The following CNTNAP2 variants were observed in gnomAD, a reference collection of about 807,000 sequenced individuals.
The protein encoded by CNTNAP2 is contactin-associated protein-like 2.
A neutral mutation model predicts 155.2 loss-of-function variants in CNTNAP2; 98 were observed. That is an observed-to-expected ratio of 0.63 (90% confidence interval 0.54 to 0.75). CNTNAP2 has a LOEUF of 0.75. Ranked by LOEUF, CNTNAP2 falls within the 30% of genes least tolerant of loss-of-function variation. CNTNAP2 has a pLI of 0.00. For synonymous variants in CNTNAP2, 651 were observed against 631.2 expected (o/e 1.03, Z -0.47); for missense variants, 1,727 against 1,688.1 (o/e 1.02, Z -0.40).
chr7:146,838,804 T>C (rs1363273325), intron 2 of CNTNAP2, among the ~76,000 whole-genome samples: 1 of 152,194 alleles, frequency 6.6e-6, no homozygotes, highest in East Asian at 1.9e-4. Context: ...TAAAAAATAG[T>C]ACACACGTTT....
chr7:146,877,013 T>C (rs1008322082), intron 3 of CNTNAP2, among the ~76,000 whole-genome samples: 13 of 152,202 alleles, frequency 8.5e-5, no homozygotes, highest in African/African-American at 2.2e-4. Flanking sequence ...GCGTTTTTCA[T>C]TGATGACATT....
chr7:148,341,484 T>A (rs2116581557), intron 21 of CNTNAP2, among the ~76,000 whole-genome samples: 1 of 152,256 alleles, frequency 6.6e-6, no homozygotes, highest in South Asian at 2.1e-4. Flanking sequence ...TATTAAGTAT[T>A]GATATTGTCC....
At chr7:147,131,044 A>ATATATATATGTGTATATATATGTG (rs71525989) in intron 7 of CNTNAP2, among the ~76,000 whole-genome samples, 8,951 of 143,724 alleles carry the variant, frequency 0.062, 504 homozygotes, top group East Asian at 0.23. Context: ...ATATATACAC[A>ATATATATATGTGTATATATATGTG]TATATATATG....
intron 1 of CNTNAP2, among the ~76,000 whole-genome samples, chr7:146,477,521 G>A (rs1457783775): frequency 6.6e-6 from 1 of 151,920 alleles, no homozygotes; most frequent in East Asian, 1.9e-4. Flanking sequence ...AATACATGGA[G>A]TTGTACTGGA....
chr7:146,188,786 A>G (rs1477839232), intron 1 of CNTNAP2, among the ~76,000 whole-genome samples: 1 of 152,204 alleles, frequency 6.6e-6, no homozygotes, highest in African/African-American at 2.4e-5. Context: ...GAGCACACCA[A>G]ACCACTGAGT....
intron 13 of CNTNAP2, among the ~76,000 whole-genome samples, chr7:147,774,876 A>G (rs867325901): frequency 8.5e-5 from 13 of 152,260 alleles, no homozygotes; most frequent in Middle Eastern, 3.4e-3. Context: ...AAAGGATAAG[A>G]AAACTGAAGC....
At chr7:146,480,783 C>T (rs956698566) in intron 1 of CNTNAP2, among the ~76,000 whole-genome samples, 5 of 149,594 alleles carry the variant, frequency 3.3e-5, no homozygotes, top group African/African-American at 1.2e-4. Flanking sequence ...CCCGGGTTCA[C>T]GCCATTCTCC....
intron 10 of CNTNAP2, among the ~76,000 whole-genome samples, chr7:147,455,806 A>G (rs1014311693): frequency 3.9e-5 from 6 of 152,146 alleles, no homozygotes; most frequent in Admixed American, 3.3e-4. Flanking sequence ...TGAATACCAC[A>G]TTATAAATGA....
intron 15 of CNTNAP2, among the ~76,000 whole-genome samples, chr7:148,078,293 G>T (rs1018079947): frequency 6.6e-6 from 1 of 151,986 alleles, no homozygotes; most frequent in African/African-American, 2.4e-5. Context: ...CAAACTTCTG[G>T]CATCAAGTGA....
intron 13 of CNTNAP2, among the ~76,000 whole-genome samples, chr7:147,828,890 C>T (rs888724826): frequency 2.0e-5 from 3 of 152,158 alleles, no homozygotes; most frequent in Non-Finnish European, 4.4e-5. Context: ...TTGCAATCCT[C>T]CTACATAATA....
chr7:148,226,297 G>A (rs922298351), intron 19 of CNTNAP2, among the ~76,000 whole-genome samples: 2 of 151,980 alleles, frequency 1.3e-5, no homozygotes, highest in South Asian at 2.1e-4. Flanking sequence ...CTTATTCAAA[G>A]GTCCTACATA....
intron 12 of CNTNAP2, among the ~76,000 whole-genome samples, chr7:147,615,841 A>G (rs1385083607): frequency 6.6e-6 from 1 of 152,028 alleles, no homozygotes; most frequent in Non-Finnish European, 1.5e-5. Flanking sequence ...TCCTCATTTT[A>G]CTTAACATTG....
intron 2 of CNTNAP2, among the ~76,000 whole-genome samples, chr7:146,805,587 G>C (rs1802953276): frequency 6.6e-6 from 1 of 152,184 alleles, no homozygotes; most frequent in South Asian, 2.1e-4. Flanking sequence ...GGAACAGCAA[G>C]AGGGAGGGAT....
intron 14 of CNTNAP2, among the ~76,000 whole-genome samples, chr7:147,913,832 G>A (rs139832593): frequency 6.6e-6 from 1 of 152,236 alleles, no homozygotes; most frequent in East Asian, 1.9e-4. Context: ...CAAGCAAGCT[G>A]AGCATCATTC....
intron 1 of CNTNAP2, among the ~76,000 whole-genome samples, chr7:146,308,170 T>G (rs568391038): frequency 6.6e-6 from 1 of 152,076 alleles, no homozygotes; most frequent in Non-Finnish European, 1.5e-5. Context: ...GGGCAAAGGA[T>G]ATGAACAGAC....
chr7:147,499,255 A>G (rs7782712), intron 11 of CNTNAP2, among the ~76,000 whole-genome samples: 43,371 of 151,828 alleles, frequency 0.29, 6,271 homozygotes, highest in East Asian at 0.43. Context: ...CCAGCCAGGC[A>G]TGGTGGCTCT....
At chr7:146,844,976 T>C (rs1803814076) in intron 3 of CNTNAP2, among the ~76,000 whole-genome samples, 1 of 152,140 alleles carries the variant, frequency 6.6e-6, no homozygotes, top group Admixed American at 6.5e-5. Flanking sequence ...ATCAAGAATA[T>C]AGGGATAAAC....
At chr7:148,359,995 T>C (rs1798585482) in intron 21 of CNTNAP2, among the ~76,000 whole-genome samples, 1 of 152,200 alleles carries the variant, frequency 6.6e-6, no homozygotes, top group African/African-American at 2.4e-5. Flanking sequence ...AAGTTATCTT[T>C]ATTTCTGCAG....
At chr7:146,796,878 T>C (rs1802780091) in intron 2 of CNTNAP2, among the ~76,000 whole-genome samples, 1 of 152,132 alleles carries the variant, frequency 6.6e-6, no homozygotes, top group Non-Finnish European at 1.5e-5. Flanking sequence ...GGCTCACACC[T>C]GTAATCTCAG....
Sources: allele counts gnomAD v4.1 joint callset (sites outside exome capture counted in the v4.1 genomes callset), GRCh38; gene constraint gnomAD v4.1.1; transcripts MANE v1.5; gene names NCBI Gene and HGNC (gene_info 2026-07-23, HGNC 2026-07-21).